NTNG1: variants seen among roughly 807,000 people sequenced by gnomAD.
NTNG1 encodes the protein netrin-G1.
Under a neutral mutation model 54.0 loss-of-function variants are expected in NTNG1, and 16 were observed. That is an observed-to-expected ratio of 0.30 (90% CI 0.20 to 0.45). The LOEUF (loss-of-function observed/expected upper bound fraction) is 0.45, where lower values mean the gene tolerates loss of function less well. Ranked by LOEUF, NTNG1 falls within the 20% of genes least tolerant of loss-of-function variation. The probability of loss-of-function intolerance (pLI) is 1.00; values close to 1 mark genes in which losing one functional copy is unlikely to be tolerated. For missense variants in NTNG1, 530 were observed against 678.7 expected, an observed-to-expected ratio of 0.78 and a Z score of 2.43; for synonymous variants, 255 against 263.1, an observed-to-expected ratio of 0.97 and a Z score of 0.30.
intron 2 of NTNG1, among the ~76,000 whole-genome samples, chr1:107,240,375 C>T (rs1344577303): frequency 1.3e-5 from 2 of 151,740 alleles, no homozygotes; most frequent in Admixed American, 6.6e-5. Flanking sequence ...GTTGAAGTCA[C>T]GCTGCTTAAC....
chr1:107,148,607 G>C lies in NTNG1; in HGVS notation c.14G>C (p.Arg5Thr). The C allele has an allele frequency of 6.2e-7, 1 of 1,613,310 alleles. No homozygotes were observed. The highest frequency in any genetic ancestry group is 8.5e-7 in the Non-Finnish European group (1 of 1,179,356). The stretch of plus-strand genomic sequence containing the variant: ...AAGAATTTAGAGATGTATTTGTCAA[G>C]ATTCCTGTCGATTCATGCCCTTTGG... MYLS[R>T]FLSIHALWVT... is the part of the protein sequence containing the mutation. The change falls in exon 2 of 8, where the codon AGA (arginine) becomes ACA (threonine). Residue 5 changes from arginine to threonine, a missense_variant. This residue lies in a region of NTNG1 where 318 missense variants were observed against 465.1 expected (regional missense o/e 0.68). Coordinates refer to ENST00000370068, the MANE Select transcript of NTNG1 (RefSeq NM_001113226.3).
At chr1:107,289,930 C>G (rs1046053874) in intron 2 of NTNG1, among the ~76,000 whole-genome samples, 1 of 152,052 alleles carries the variant, frequency 6.6e-6, no homozygotes, top group East Asian at 1.9e-4. Context: ...CATATGAAAT[C>G]ATATTTTCCC....
Position 107,407,716 on chromosome 1 carries a change from A to T in NTNG1, c.1087+8A>T, listed in dbSNP as rs1166947726. On this transcript the variant is annotated splice_region_variant and intron_variant, in intron 5 of 7. Coordinates refer to ENST00000370068, the MANE Select transcript of NTNG1 (RefSeq NM_001113226.3). The stretch of plus-strand genomic sequence containing the variant: ...GTATTTCCAGTATTGGTAGTAAGTA[A>T]AAACAAAAACAAAAAAAACACCAAA... 3 of 1,606,362 alleles carry T rather than the reference A, an allele frequency of 1.9e-6. No individual in the cohort carries two copies. Among genetic ancestry groups the T allele is most frequent in the Non-Finnish European group, 2.6e-6 (3 of 1,174,168 alleles).
intron 4 of NTNG1, among the ~76,000 whole-genome samples, chr1:107,404,017 C>T (rs953936807): frequency 2.6e-5 from 4 of 151,064 alleles, no homozygotes; most frequent in African/African-American, 9.7e-5. Context: ...TGAGGTTGTT[C>T]CAGAGATGGA....
chr1:107,437,288 C>T (rs1675665112), intron 7 of NTNG1, among the ~76,000 whole-genome samples: 1 of 152,044 alleles, frequency 6.6e-6, no homozygotes, highest in Non-Finnish European at 1.5e-5. Context: ...AATATTTAAA[C>T]GTGGGGTAAA....
At chr1:107,218,888 G>A (rs1038191765) in intron 2 of NTNG1, among the ~76,000 whole-genome samples, 1 of 152,098 alleles carries the variant, frequency 6.6e-6, no homozygotes, top group African/African-American at 2.4e-5. Flanking sequence ...CCTAGGTGAT[G>A]ATCTTTTTGC....
At chr1:107,234,767 T>C (rs768042000) in intron 2 of NTNG1, among the ~76,000 whole-genome samples, 3 of 152,186 alleles carry the variant, frequency 2.0e-5, no homozygotes, top group Non-Finnish European at 4.4e-5. Context: ...GAATCTTTTA[T>C]TAGATAAAAG....
At chr1:107,150,681 C>G (rs1025871242) in intron 2 of NTNG1, among the ~76,000 whole-genome samples, 2 of 152,162 alleles carry the variant, frequency 1.3e-5, no homozygotes, top group Non-Finnish European at 2.9e-5. Flanking sequence ...CTTCCCTGAT[C>G]TCAGTCTCTG....
At chr1:107,367,696 T>C (rs1670681225) in intron 3 of NTNG1, among the ~76,000 whole-genome samples, 1 of 152,132 alleles carries the variant, frequency 6.6e-6, no homozygotes, top group African/African-American at 2.4e-5. Context: ...AGTTACTCTG[T>C]GCTAAAATCT....
At chr1:107,304,092 A>G (rs1329499681) in intron 2 of NTNG1, among the ~76,000 whole-genome samples, 4 of 151,972 alleles carry the variant, frequency 2.6e-5, no homozygotes, top group Non-Finnish European at 5.9e-5. Flanking sequence ...TACAACAAGT[A>G]TTTCCAAGGT....
intron 4 of NTNG1, among the ~76,000 whole-genome samples, chr1:107,405,736 T>A (rs938923957): frequency 1.3e-5 from 2 of 152,082 alleles, no homozygotes; most frequent in African/African-American, 2.4e-5. Context: ...TCCATTCTCT[T>A]TGATGGATTA....
intron 2 of NTNG1, among the ~76,000 whole-genome samples, chr1:107,198,525 G>A (rs74643267): frequency 6.6e-6 from 1 of 151,862 alleles, no homozygotes; most frequent in African/African-American, 2.4e-5. Context: ...TCTTTAGTGG[G>A]GAGAAATAAT....
intron 2 of NTNG1, among the ~76,000 whole-genome samples, chr1:107,287,169 C>A (rs1665253397): frequency 6.6e-6 from 1 of 151,700 alleles, no homozygotes; most frequent in Non-Finnish European, 1.5e-5. Context: ...AGGCTACAGA[C>A]CAAAAAATTG....
chr1:107,314,950 A>T (rs530368721), intron 2 of NTNG1, among the ~76,000 whole-genome samples: 1 of 152,364 alleles, frequency 6.6e-6, no homozygotes, highest in East Asian at 1.9e-4. Flanking sequence ...AACATTTAGA[A>T]GAGTGTTGAA....
At chr1:107,457,719 A>G (rs1677039047) in intron 7 of NTNG1, among the ~76,000 whole-genome samples, 1 of 152,172 alleles carries the variant, frequency 6.6e-6, no homozygotes, top group African/African-American at 2.4e-5. Flanking sequence ...TACATAAGCC[A>G]CTGGAATAAA....
At chr1:107,242,675 A>T (rs780094807) in intron 2 of NTNG1, among the ~76,000 whole-genome samples, 1 of 152,166 alleles carries the variant, frequency 6.6e-6, no homozygotes, top group Non-Finnish European at 1.5e-5. Context: ...CTGTATTTTT[A>T]TATAGAAAAT....
intron 2 of NTNG1, among the ~76,000 whole-genome samples, chr1:107,258,459 G>T (rs1663081026): frequency 6.6e-6 from 1 of 152,080 alleles, no homozygotes; most frequent in South Asian, 2.1e-4. Flanking sequence ...AATAAAAGAA[G>T]TTGGAGTATA....
At chr1:107,143,990 C>A (rs1653929620) in intron 1 of NTNG1, among the ~76,000 whole-genome samples, 1 of 151,850 alleles carries the variant, frequency 6.6e-6, no homozygotes, top group Non-Finnish European at 1.5e-5. Flanking sequence ...CTCATAATAC[C>A]CAATCAAGTG....
intron 2 of NTNG1, among the ~76,000 whole-genome samples, chr1:107,194,758 A>C (rs1246949595): frequency 4.6e-5 from 7 of 152,032 alleles, no homozygotes; most frequent in Non-Finnish European, 2.9e-5. Flanking sequence ...AGCAAATAAG[A>C]ATATACTTCC....
Sources: gnomAD v4.1 joint callset for allele counts (sites outside exome capture counted in the v4.1 genomes callset) on GRCh38, gnomAD v4.1.1 for gene constraint, gnomAD v4.1.1 regional missense constraint, MANE v1.5 for transcripts, NCBI Gene and HGNC (gene_info 2026-07-23, HGNC 2026-07-21) for gene names.